The following RAD51B variants were observed in gnomAD, a reference collection of about 807,000 sequenced individuals.
RAD51B encodes DNA repair protein RAD51 homolog 2.
In RAD51B, 38 loss-of-function variants were observed where a neutral mutation model predicts 42.2. The observed-to-expected ratio is 0.90, with a 90% CI of 0.70 to 1.18. The LOEUF is 1.18. Ranked by LOEUF, RAD51B falls within the 50% of genes most tolerant of loss-of-function variation. The probability of loss-of-function intolerance (pLI) is 0.00; values close to 1 mark genes in which losing one functional copy is unlikely to be tolerated. For missense variants in RAD51B, 373 were observed against 400.7 expected (o/e 0.93, Z 0.59); for synonymous variants, 154 against 145.2 (o/e 1.06, Z -0.43).
At chr14:67,896,942 G>T (rs73280485) in intron 7 of RAD51B, among the ~76,000 whole-genome samples, 10 of 152,214 alleles carry the variant, frequency 6.6e-5, no homozygotes, top group Non-Finnish European at 1.5e-5. Flanking sequence ...ATAAACCTGC[G>T]CATGTGTGGT....
chr14:68,184,603 C>A, intron 7 of RAD51B, among the ~76,000 whole-genome samples: 1 of 94,852 alleles, frequency 1.1e-5, no homozygotes, highest in Non-Finnish European at 2.0e-5. Flanking sequence ...GAGCAAGGCC[C>A]TGTCTAAAAA....
intron 11 of RAD51B, among the ~76,000 whole-genome samples, chr14:68,663,688 G>T (rs1283926667): frequency 6.6e-6 from 1 of 152,232 alleles, no homozygotes; most frequent in African/African-American, 2.4e-5. Flanking sequence ...AAAGACTTAG[G>T]CCTAACAGTG....
Position 68,202,811 on chromosome 14 carries a change from A to G in RAD51B, c.757-89073A>G, listed in dbSNP as rs1413797787. Among the ~76,000 whole-genome samples, 4 of 151,816 alleles carry G rather than the reference A, an allele frequency of 2.6e-5. No individual in the cohort carries two copies. In the East Asian group the frequency reaches 7.7e-4, roughly 29 times the overall value. On this transcript the variant is annotated intron_variant, in intron 7 of 10. Transcript: ENST00000471583. Reference sequence around the variant, plus strand: ...TGGTCAGGCTGGTCTCGAACTCCCAACCTCAGGTGATCTGCCCACCTCAGC... The same window carrying G: ...TGGTCAGGCTGGTCTCGAACTCCCAGCCTCAGGTGATCTGCCCACCTCAGC...
intron 7 of RAD51B, among the ~76,000 whole-genome samples, chr14:68,027,868 G>A (rs1348763143): frequency 2.6e-5 from 4 of 152,114 alleles, no homozygotes; most frequent in African/African-American, 7.2e-5. Flanking sequence ...GGGAGCTAGA[G>A]GACTCATTTG....
intron 9 of RAD51B, among the ~76,000 whole-genome samples, chr14:68,434,235 C>T (rs2085089285): frequency 6.6e-6 from 1 of 152,206 alleles, no homozygotes; most frequent in African/African-American, 2.4e-5. Context: ...AGATCTCAAA[C>T]TCTGTGCTGG....
chr14:68,248,884 G>A (rs2080558575), intron 7 of RAD51B, among the ~76,000 whole-genome samples: 1 of 152,252 alleles, frequency 6.6e-6, no homozygotes, highest in Non-Finnish European at 1.5e-5. Flanking sequence ...TGAAATGGCA[G>A]ATTGGGATGG....
At chr14:68,640,139 C>G (rs980823531) in intron 10 of RAD51B, among the ~76,000 whole-genome samples, 2 of 152,152 alleles carry the variant, frequency 1.3e-5, no homozygotes, top group Non-Finnish European at 2.9e-5. Context: ...AGCAATGATT[C>G]CCTAATACTT....
intron 8 of RAD51B, among the ~76,000 whole-genome samples, chr14:68,403,433 G>A (rs527601740): frequency 1.1e-4 from 16 of 152,232 alleles, no homozygotes; most frequent in African/African-American, 3.1e-4. Flanking sequence ...GCTTAGCACA[G>A]GAGTCATAAA....
chr14:68,538,460 T>C (rs1022105344), intron 10 of RAD51B, among the ~76,000 whole-genome samples: 7 of 152,214 alleles, frequency 4.6e-5, no homozygotes, highest in Non-Finnish European at 1.0e-4. Flanking sequence ...TATTTTTTCA[T>C]TGTAGGCAAA....
In RAD51B at chr14:68,515,443, C is replaced by CT. The variant is rs59782915; in HGVS notation, c.1036+47213dup. Among the ~76,000 whole-genome samples the CT allele has an allele frequency of 5.4e-3, 283 of 52,744 alleles. 2 individuals carry two copies. Among genetic ancestry groups the CT allele is most frequent in the Middle Eastern group, 0.018 (2 of 110 alleles). 34.6% of individuals were successfully genotyped at this position (52,744 alleles called of 152,430 possible). On this transcript the variant is annotated intron_variant, in intron 10 of 10. Transcript: ENST00000487270. Reference sequence around the variant, plus strand: ...CTTTTCTTCCTTTCTTCTTCTTCTTCTTTTTTTTTTTTTTTTTTTTAGAGA... The same window carrying CT: ...CTTTTCTTCCTTTCTTCTTCTTCTTCTTTTTTTTTTTTTTTTTTTTTAGAGA...
At chr14:68,306,585 T>A (rs1166187812) in intron 8 of RAD51B, 3 of 510,580 alleles carry the variant, frequency 5.9e-6, no homozygotes, top group Non-Finnish European at 1.2e-5. Flanking sequence ...TTTGACCAAT[T>A]TGCATTGGAA....
intron 7 of RAD51B, among the ~76,000 whole-genome samples, chr14:67,923,458 C>A (rs1414694127): frequency 6.6e-6 from 1 of 151,822 alleles, no homozygotes; most frequent in East Asian, 1.9e-4. Context: ...TGCCACCACG[C>A]CTGGCTAATT....
intron 11 of RAD51B, among the ~76,000 whole-genome samples, chr14:68,660,760 G>C (rs1892916576): frequency 6.6e-6 from 1 of 152,198 alleles, no homozygotes. Flanking sequence ...CTCCCAGAGG[G>C]GGCGGTGTTT....
intron 10 of RAD51B, among the ~76,000 whole-genome samples, chr14:68,484,897 A>G (rs1594900629): frequency 6.6e-6 from 1 of 152,176 alleles, no homozygotes; most frequent in African/African-American, 2.4e-5. Flanking sequence ...CAGTTTGCAC[A>G]TGGCTCACCC....
rs10143558 is a variant in RAD51B, at chr14:68,586,432, A to G, written c.1037-8053A>G. Among the ~76,000 whole-genome samples, 838 of 152,286 alleles carry G rather than the reference A, an allele frequency of 5.5e-3. 7 individuals carry two copies. The highest frequency in any genetic ancestry group is 0.019 in the African/African-American group (802 of 41,546). ...TTGTGCCGATCGGTTCCAGATGCCC[A>G]TGGAAATGCAAGCTCATGTGTTTCT... On this transcript the variant is annotated intron_variant, in intron 10 of 10. Coordinates refer to the RAD51B transcript ENST00000487270.
intron 7 of RAD51B, among the ~76,000 whole-genome samples, chr14:68,016,070 A>G (rs2075773000): frequency 6.6e-6 from 1 of 152,232 alleles, no homozygotes; most frequent in East Asian, 1.9e-4. Context: ...AAGACAGTTC[A>G]CAGTCACTCA....
chr14:68,209,602 A>G (rs1172317796), intron 7 of RAD51B, among the ~76,000 whole-genome samples: 1 of 152,184 alleles, frequency 6.6e-6, no homozygotes, highest in Non-Finnish European at 1.5e-5. Flanking sequence ...GAGAATATTT[A>G]GATCTGAAAA....
At chr14:67,907,005 C>T (rs549408077) in intron 7 of RAD51B, among the ~76,000 whole-genome samples, 1 of 152,160 alleles carries the variant, frequency 6.6e-6, no homozygotes, top group East Asian at 1.9e-4. Context: ...GACAGGGTTT[C>T]TCCATGTTGG....
intron 7 of RAD51B, among the ~76,000 whole-genome samples, chr14:68,109,601 A>G (rs2077429194): frequency 6.6e-6 from 1 of 152,004 alleles, no homozygotes; most frequent in Admixed American, 6.6e-5. Flanking sequence ...TAGTTGCTAG[A>G]TAATATTCCC....
Sources: gnomAD v4.1 joint callset for allele counts (sites outside exome capture counted in the v4.1 genomes callset) on GRCh38, gnomAD v4.1.1 for gene constraint, MANE v1.5 for transcripts, NCBI Gene and HGNC (gene_info 2026-07-23, HGNC 2026-07-21) for gene names.